Variants in TMEM117 observed in about 807,000 individuals in gnomAD.
TMEM117 encodes transmembrane protein 117.
Under a neutral mutation model 52.4 loss-of-function variants are expected in TMEM117, and 27 were observed. That is an observed-to-expected ratio of 0.51 (90% CI 0.38 to 0.71). The LOEUF is 0.71. Among genes scored for constraint, TMEM117 ranks in the 30% least tolerant of loss-of-function variants. TMEM117 has a pLI of 0.00. For synonymous variants in TMEM117, 215 were observed against 206.3 expected (o/e 1.04, Z -0.36); for missense variants, 556 against 630.5 (o/e 0.88, Z 1.26).
At chr12:44,082,742 T>C (rs1278028225) in intron 3 of TMEM117, among the ~76,000 whole-genome samples, 1 of 152,138 alleles carries the variant, frequency 6.6e-6, no homozygotes, top group African/African-American at 2.4e-5. Flanking sequence ...AACAATATAA[T>C]GAACTCTACC....
At chr12:44,100,536 G>T (rs1367943566) in intron 3 of TMEM117, among the ~76,000 whole-genome samples, 1 of 151,934 alleles carries the variant, frequency 6.6e-6, no homozygotes, top group African/African-American at 2.4e-5. Context: ...CCAAGTGATG[G>T]TGTGTTTTCA....
At chr12:44,273,187 C>G (rs1460874269) in intron 5 of TMEM117, among the ~76,000 whole-genome samples, 1 of 151,624 alleles carries the variant, frequency 6.6e-6, no homozygotes, top group African/African-American at 2.4e-5. Context: ...CACTTGGACA[C>G]AGGAAGGGGA....
At chr12:43,840,640 A>T (rs967526606) in intron 1 of TMEM117, among the ~76,000 whole-genome samples, 2 of 152,192 alleles carry the variant, frequency 1.3e-5, no homozygotes, top group East Asian at 3.8e-4. Context: ...ATCACCCAGT[A>T]TGAGCCCAGT....
At chr12:44,392,944 A>G (rs1952168097), downstream of TMEM117, among the ~76,000 whole-genome samples, 1 of 152,112 alleles carries the variant, frequency 6.6e-6, no homozygotes, top group Non-Finnish European at 1.5e-5. Flanking sequence ...AAGAACAAAC[A>G]TCAGGGCAAA....
chr12:43,902,360 C>T (rs1944317795), intron 2 of TMEM117, among the ~76,000 whole-genome samples: 1 of 152,292 alleles, frequency 6.6e-6, no homozygotes, highest in Admixed American at 6.5e-5. Context: ...ACCCAGTTAC[C>T]ACATCTAGAG....
chr12:44,366,267 G>A (rs1361947501), intron 6 of TMEM117, among the ~76,000 whole-genome samples: 1 of 151,944 alleles, frequency 6.6e-6, no homozygotes, highest in Admixed American at 6.6e-5. Flanking sequence ...TATAAAGATA[G>A]GCAACTGCTA....
At chr12:44,072,501 C>G (rs867526529) in intron 3 of TMEM117, among the ~76,000 whole-genome samples, 3 of 152,128 alleles carry the variant, frequency 2.0e-5, no homozygotes, top group Admixed American at 6.5e-5. Flanking sequence ...CCTGTCTGGC[C>G]AGACACACTA....
At chr12:44,270,805 C>T (rs1950436656) in intron 5 of TMEM117, among the ~76,000 whole-genome samples, 1 of 152,028 alleles carries the variant, frequency 6.6e-6, no homozygotes, top group Admixed American at 6.6e-5. Flanking sequence ...CCCAATTGTA[C>T]TGAGGGTTTT....
chr12:44,340,232 C>G lies in TMEM117; in HGVS notation c.769-36363C>G, dbSNP rs374281761. Reference sequence around the variant, plus strand: ...CCTTACACCAAAGGAATAAAGATGACGTAAATGAAGTAAATGCATGAAGGT... The same window carrying G: ...CCTTACACCAAAGGAATAAAGATGAGGTAAATGAAGTAAATGCATGAAGGT... On this transcript the variant is annotated intron_variant, in intron 6 of 7. Transcript: ENST00000266534. 2.6e-5 allele frequency among the ~76,000 whole-genome samples: 4 copies of G among 151,816 alleles called. No individual in the cohort carries two copies. In the South Asian group the frequency reaches 8.3e-4, roughly 32 times the overall value.
At chr12:44,184,445 A>C (rs1949248879) in intron 4 of TMEM117, among the ~76,000 whole-genome samples, 1 of 152,186 alleles carries the variant, frequency 6.6e-6, no homozygotes. Flanking sequence ...AAAAGGCAGA[A>C]GAGTTAGGGA....
At chr12:43,939,693 G>A (rs1192852444) in intron 2 of TMEM117, among the ~76,000 whole-genome samples, 1 of 152,186 alleles carries the variant, frequency 6.6e-6, no homozygotes, top group Non-Finnish European at 1.5e-5. Flanking sequence ...GTGGGTGGCT[G>A]CCCTAACTGG....
chr12:44,157,361 ACTG>A (rs1948839854), intron 4 of TMEM117, among the ~76,000 whole-genome samples: 1 of 144,842 alleles, frequency 6.9e-6, no homozygotes, highest in Non-Finnish European at 1.5e-5. Flanking sequence ...TGGAATTATG[ACTG>A]CTAATATTGT....
At chr12:44,367,172 C>G (rs1951800338) in intron 6 of TMEM117, among the ~76,000 whole-genome samples, 1 of 152,114 alleles carries the variant, frequency 6.6e-6, no homozygotes, top group East Asian at 1.9e-4. Flanking sequence ...CCTCTTCACC[C>G]TACTTCAACT....
chr12:43,811,775 T>G, the TMEM117 span, among the ~76,000 whole-genome samples: 1 of 152,326 alleles, frequency 6.6e-6, no homozygotes, highest in East Asian at 1.9e-4. Context: ...TTAATCTACA[T>G]TCTTTGCATG....
At chr12:44,158,514 T>G (rs771791168) in intron 4 of TMEM117, among the ~76,000 whole-genome samples, 2 of 152,174 alleles carry the variant, frequency 1.3e-5, no homozygotes, top group Non-Finnish European at 2.9e-5. Context: ...AGTTTGACAT[T>G]TCTTGAAAGC....
At chr12:43,799,402 T>C in the TMEM117 span, 6 of 1,599,448 alleles carry the variant, frequency 3.8e-6, no homozygotes, top group South Asian at 3.4e-5. Context: ...ACTTACCTCA[T>C]TGATTTTAAT....
intron 3 of TMEM117, among the ~76,000 whole-genome samples, chr12:44,064,918 G>T (rs989283927): frequency 5.3e-5 from 8 of 151,958 alleles, no homozygotes; most frequent in African/African-American, 1.5e-4. Context: ...AAAAAGGGGG[G>T]GTAACTATGT....
intron 2 of TMEM117, among the ~76,000 whole-genome samples, chr12:43,940,698 C>T (rs535528040): frequency 5.1e-4 from 78 of 152,158 alleles, no homozygotes; most frequent in African/African-American, 1.8e-3. Context: ...TGCACCACCA[C>T]GCCTGGCTAA....
At chr12:44,332,292 A>G (rs1005434794) in intron 6 of TMEM117, among the ~76,000 whole-genome samples, 36 of 152,114 alleles carry the variant, frequency 2.4e-4, no homozygotes, top group Non-Finnish European at 2.9e-5. Context: ...TAAGAATGGA[A>G]TAAGTTTGTG....
Sources: gnomAD v4.1 joint callset for allele counts (sites outside exome capture counted in the v4.1 genomes callset) on GRCh38, gnomAD v4.1.1 for gene constraint, MANE v1.5 for transcripts, NCBI Gene and HGNC (gene_info 2026-07-23, HGNC 2026-07-21) for gene names.